The following ERBB4 variants were observed in gnomAD, a reference collection of about 807,000 sequenced individuals.
The protein encoded by ERBB4 is receptor tyrosine-protein kinase erbB-4.
Under a neutral mutation model 158.0 loss-of-function variants are expected in ERBB4, and 42 were observed. That is an observed-to-expected ratio of 0.27 (90% confidence interval 0.21 to 0.34). The LOEUF (loss-of-function observed/expected upper bound fraction) is 0.34, where lower values mean the gene tolerates loss of function less well. ERBB4 is among the 10% of genes least tolerant of loss of function. ERBB4 has a pLI of 1.00. For synonymous variants in ERBB4, 583 were observed against 558.7 expected, an observed-to-expected ratio of 1.04 and a Z score of -0.61; for missense variants, 1,333 against 1,624.1, an observed-to-expected ratio of 0.82 and a Z score of 3.08.
chr2:211,622,993 ATATATATATATATATAT>A (rs2069680773), intron 18 of ERBB4, among the ~76,000 whole-genome samples: 5 of 7,426 alleles, frequency 6.7e-4, no homozygotes, highest in Non-Finnish European at 8.9e-4. Flanking sequence ...AAAAAAAAAT[ATATATATATATATATAT>A]ATATATATAT....
At chr2:212,351,604 T>A (rs1453562260) in intron 1 of ERBB4, among the ~76,000 whole-genome samples, 3 of 152,120 alleles carry the variant, frequency 2.0e-5, no homozygotes, top group Admixed American at 2.0e-4. Context: ...TGTAGCTGGG[T>A]AAATTCAGGT....
At chr2:211,880,248 C>G (rs1323328881) in intron 3 of ERBB4, among the ~76,000 whole-genome samples, 1 of 152,134 alleles carries the variant, frequency 6.6e-6, no homozygotes, top group East Asian at 1.9e-4. Flanking sequence ...GCTACTTACA[C>G]TACAAAATCC....
At chr2:212,412,220 T>C (rs2106490316) in intron 1 of ERBB4, among the ~76,000 whole-genome samples, 1 of 152,326 alleles carries the variant, frequency 6.6e-6, no homozygotes, top group Admixed American at 6.5e-5. Context: ...TTTACCAACT[T>C]TGGTAAACTA....
chr2:212,533,509 T>C (rs568486739), intron 1 of ERBB4, among the ~76,000 whole-genome samples: 1 of 152,298 alleles, frequency 6.6e-6, no homozygotes, highest in East Asian at 1.9e-4. Context: ...CCATGTCCCA[T>C]TTAACCACAA....
rs2106080993 is a variant in ERBB4 at position 211,712,108 on chromosome 2, A to T, written c.1066T>A (p.Phe356Ile). The T allele has an allele frequency of 6.2e-7, 1 of 1,612,266 alleles. No individual in the cohort carries two copies. Among genetic ancestry groups the T allele is most frequent in the Non-Finnish European group, 8.5e-7 (1 of 1,178,380 alleles). The change falls in exon 9 of 28, where the codon TTC becomes ATC. Residue 356 changes from phenylalanine (F) to isoleucine (I), a missense_variant. Around this residue, in one of 5 missense-constraint regions of ERBB4, gnomAD observed 438 missense variants for 586.9 expected, o/e 0.75. Coordinates refer to ENST00000342788, the MANE Select transcript of ERBB4 (RefSeq NM_005235.3). ...QTVDSSNIDK[F>I]INCTKINGNL... ...CCATTGATCTTGGTACAGTTTATGA[A>T]TTTGTCAATGTTACTGGAATCCACA...
chr2:211,532,548 G>T (rs2066529325), intron 20 of ERBB4, among the ~76,000 whole-genome samples: 1 of 152,102 alleles, frequency 6.6e-6, no homozygotes, highest in Non-Finnish European at 1.5e-5. Flanking sequence ...GAAAAAAGGA[G>T]CTATGTTAAA....
chr2:212,210,032 G>A (rs558867362), intron 1 of ERBB4, among the ~76,000 whole-genome samples: 1 of 151,964 alleles, frequency 6.6e-6, no homozygotes, highest in African/African-American at 2.4e-5. Flanking sequence ...GCTCAGAAAG[G>A]TCATTTAGCC....
At chr2:211,754,703 G>A (rs1486709804) in intron 4 of ERBB4, among the ~76,000 whole-genome samples, 2 of 148,178 alleles carry the variant, frequency 1.3e-5, no homozygotes, top group South Asian at 2.2e-4. Context: ...CACTGTGCCC[G>A]AGCTTTTTTT....
chr2:212,273,385 T>C (rs1378894948), intron 1 of ERBB4, among the ~76,000 whole-genome samples: 1 of 151,766 alleles, frequency 6.6e-6, no homozygotes, highest in East Asian at 1.9e-4. Flanking sequence ...TTCTGACTAA[T>C]TGATAATGTT....
At chr2:211,935,323 G>C (rs572302192) in intron 3 of ERBB4, among the ~76,000 whole-genome samples, 1 of 152,240 alleles carries the variant, frequency 6.6e-6, no homozygotes, top group East Asian at 1.9e-4. Flanking sequence ...CAGAGGAGAT[G>C]AGTTTGTGAG....
At chr2:212,037,643 T>A (rs1192969310) in intron 2 of ERBB4, among the ~76,000 whole-genome samples, 3 of 152,188 alleles carry the variant, frequency 2.0e-5, no homozygotes, top group African/African-American at 7.2e-5. Flanking sequence ...AGACTAACAT[T>A]CTCTTGCTGA....
At chr2:211,545,431 C>T (rs2066917422) in intron 20 of ERBB4, among the ~76,000 whole-genome samples, 1 of 152,000 alleles carries the variant, frequency 6.6e-6, no homozygotes, top group Non-Finnish European at 1.5e-5. Context: ...GCACTCAAAG[C>T]ATTCTTGATG....
At chr2:212,161,974 G>A (rs1422684436) in intron 1 of ERBB4, among the ~76,000 whole-genome samples, 1 of 151,792 alleles carries the variant, frequency 6.6e-6, no homozygotes, top group Non-Finnish European at 1.5e-5. Flanking sequence ...AAGTAGCACT[G>A]TTATATATTG....
At chr2:211,563,828 A>G (rs2067474344) in intron 19 of ERBB4, among the ~76,000 whole-genome samples, 1 of 152,168 alleles carries the variant, frequency 6.6e-6, no homozygotes, top group Non-Finnish European at 1.5e-5. Context: ...CTATACATAT[A>G]TATACACACA....
At chr2:212,392,882 G>T (rs1356873304) in intron 1 of ERBB4, among the ~76,000 whole-genome samples, 1 of 152,004 alleles carries the variant, frequency 6.6e-6, no homozygotes, top group African/African-American at 2.4e-5. Context: ...TGGCATCAGA[G>T]ATTTATTAGG....
At chr2:212,196,999 A>G (rs1218063111) in intron 1 of ERBB4, among the ~76,000 whole-genome samples, 2 of 152,112 alleles carry the variant, frequency 1.3e-5, no homozygotes, top group African/African-American at 4.8e-5. Context: ...ACTGATGTCT[A>G]CGGGTTGTTT....
chr2:211,612,495 A>G (rs542654428), intron 19 of ERBB4, among the ~76,000 whole-genome samples: 69 of 152,116 alleles, frequency 4.5e-4, no homozygotes, highest in African/African-American at 1.6e-3. Context: ...CTCTTTGAGA[A>G]AGCACACTTA....
chr2:211,906,059 G>C (rs1372671775), intron 3 of ERBB4, among the ~76,000 whole-genome samples: 1 of 151,994 alleles, frequency 6.6e-6, no homozygotes, highest in Non-Finnish European at 1.5e-5. Context: ...ACTCAACCCA[G>C]AGAGAGATAC....
At chr2:211,570,770 C>T (rs2067701142) in intron 19 of ERBB4, among the ~76,000 whole-genome samples, 1 of 151,914 alleles carries the variant, frequency 6.6e-6, no homozygotes, top group Non-Finnish European at 1.5e-5. Flanking sequence ...TTTGTCAGTC[C>T]CCCTTTAGCT....
Sources: allele counts gnomAD v4.1 joint callset (sites outside exome capture counted in the v4.1 genomes callset), GRCh38; gene constraint gnomAD v4.1.1; regional missense constraint gnomAD v4.1.1; transcripts MANE v1.5; gene names NCBI Gene and HGNC (gene_info 2026-07-23, HGNC 2026-07-21).